The following XDH variants were observed in gnomAD, a reference collection of about 807,000 sequenced individuals.
XDH encodes xanthine dehydrogenase.
A neutral mutation model predicts 156.1 loss-of-function variants in XDH; 138 were observed. The ratio of observed to expected loss-of-function variants is 0.88; its 90% CI spans 0.77 to 1.02. The LOEUF is 1.02. Among genes scored for constraint, XDH ranks in the 50% least tolerant of loss-of-function variants. XDH has a pLI of 0.00. For synonymous variants in XDH, 669 were observed against 625.7 expected (o/e 1.07, Z -1.03); for missense variants, 1,849 against 1,684.9 (o/e 1.10, Z -1.71).
Position 31,337,759 on chromosome 2 carries a change from G to T in XDH, c.3833C>A (p.Ala1278Asp). 1 of 1,614,228 alleles carries T rather than the reference G, an allele frequency of 6.2e-7. No individual in the cohort carries two copies. The change falls in exon 35 of 36, where the codon GCC (alanine) becomes GAC (aspartate). Residue 1278 changes from alanine (A) to aspartate (D), a missense_variant. Ala to Asp is a moderately radical substitution (Grantham distance 126). Transcript: ENST00000379416. ...GTGCTGAGCTCGAGCTGCACGGATG[G>T]CATCTTTGATGGCAAAGAAGATAGA... ...AASIFFAIKD[A>D]IRAARAQHTG...
At chr2:31,394,276 G>T (rs1686846417) in intron 6 of XDH, among the ~76,000 whole-genome samples, 1 of 152,014 alleles carries the variant, frequency 6.6e-6, no homozygotes, top group Admixed American at 6.6e-5. Flanking sequence ...GCTTTTGAAG[G>T]ATACTTACGG....
intron 9 of XDH, 150 bp from the exon 10 acceptor site, chr2:31,383,997 A>T: frequency 1.3e-6 from 1 of 762,900 alleles, no homozygotes; most frequent in South Asian, 1.5e-5. Context: ...TGGGAATAGG[A>T]AACTCAGTAG....
At chr2:31,404,957 C>A (rs1447392643) in intron 2 of XDH, among the ~76,000 whole-genome samples, 2 of 152,132 alleles carry the variant, frequency 1.3e-5, no homozygotes, top group Non-Finnish European at 2.9e-5. Flanking sequence ...CACTAGACAC[C>A]CCCGCTAGGA....
At chr2:31,353,481 C>T (rs1685541588) in intron 24 of XDH, among the ~76,000 whole-genome samples, 1 of 152,086 alleles carries the variant, frequency 6.6e-6, no homozygotes, top group African/African-American at 2.4e-5. Flanking sequence ...TGTAAGAATA[C>T]TCTGAAAAGT....
At chr2:31,401,620 C>A (rs1047020340) in intron 3 of XDH, among the ~76,000 whole-genome samples, 2 of 152,254 alleles carry the variant, frequency 1.3e-5, no homozygotes, top group Non-Finnish European at 2.9e-5. Context: ...CACTTTCAGT[C>A]ACCTCTTACT....
chr2:31,408,735 C>A (rs1049968761), intron 1 of XDH, among the ~76,000 whole-genome samples: 2 of 152,050 alleles, frequency 1.3e-5, no homozygotes, highest in Non-Finnish European at 2.9e-5. Context: ...AAGTTTCCCC[C>A]AAAAATTAAG....
chr2:31,346,976 A>T, intron 29 of XDH, 133 bp from the exon 30 acceptor site: 1 of 1,145,306 alleles, frequency 8.7e-7, no homozygotes, highest in Non-Finnish European at 1.3e-6. Context: ...CAGCCTGGCC[A>T]CCCACTCCAG....
intron 24 of XDH, among the ~76,000 whole-genome samples, chr2:31,358,111 T>C (rs1389544819): frequency 6.6e-6 from 1 of 152,092 alleles, no homozygotes; most frequent in African/African-American, 2.4e-5. Flanking sequence ...TCTACAGAAC[T>C]CTTCACCCCA....
chr2:31,344,641 C>G (rs151098678), intron 31 of XDH, 43 bp downstream of exon 31: 1 of 1,611,496 alleles, frequency 6.2e-7, no homozygotes, highest in African/African-American at 1.3e-5. Flanking sequence ...GAGGTTAGGA[C>G]GACATCACAC....
intron 17 of XDH, 127 bp from the exon 18 acceptor site, chr2:31,370,605 C>A (rs1288136969): frequency 7.9e-6 from 10 of 1,265,270 alleles, no homozygotes; most frequent in African/African-American, 1.5e-5. Flanking sequence ...TTCTCTGCTT[C>A]TTTTCTATTA....
intron 15 of XDH, 102 bp from the exon 16 acceptor site, chr2:31,374,058 G>T: frequency 8.4e-7 from 1 of 1,189,344 alleles, no homozygotes; most frequent in Non-Finnish European, 1.2e-6. Flanking sequence ...TGATCCCCTT[G>T]TCTCTTCACT....
At position 31,379,993 on chromosome 2, in the gene XDH, T is replaced by G. The variant is rs759969094; in HGVS notation, c.1133-17A>C. 1 of 1,612,632 alleles carries G rather than the reference T, an allele frequency of 6.2e-7. No homozygotes were observed. Among genetic ancestry groups the G allele is most frequent in the South Asian group, 1.1e-5 (1 of 91,032 alleles). ...TCCTGGTGCCTGTACAGAAGCAAGA[T>G]GAAGAGGAGCCAAAGTGAGGGAAAG... On this transcript the variant is annotated splice_polypyrimidine_tract_variant and intron_variant, in intron 12 of 35. Transcript: ENST00000379416.
At chr2:31,349,992 C>T (rs13419527) in intron 25 of XDH, 40 bp downstream of exon 25, 2 of 1,612,824 alleles carry the variant, frequency 1.2e-6, no homozygotes, top group Non-Finnish European at 1.7e-6. Flanking sequence ...CCGAAGTAGT[C>T]TAAAGCACTC....
In XDH at chr2:31,411,519, A is replaced by G. The variant is rs571845016; in HGVS notation, c.42+3106T>C. Among the ~76,000 whole-genome samples, 9 of 152,298 alleles carry G rather than the reference A, an allele frequency of 5.9e-5. No individual in the cohort carries two copies. In the South Asian group the frequency reaches 1.2e-3, roughly 21 times the overall value. ...ATAAAGCAAATGTGGCAAAACATTA[A>G]CAGTTGGTAAAGTACATAAAGGGTA... On this transcript the variant is annotated intron_variant, in intron 1 of 35. Transcript: ENST00000379416.
rs1686974738 is a variant in XDH, at chr2:31,398,587, T to A, written c.419A>T (p.Glu140Val). ...AAGGCCCATACCTTGGAAGGCATTC[T>A]CAATCTCCTCCATGGTGGGCTCGGG... ...NQPEPTMEEI[E>V]NAFQGNLCRC... The change falls in exon 5 of 36, where the codon GAG (glutamate) becomes GTG (valine). Residue 140 changes from glutamate to valine, a missense_variant. Physicochemically the swap from Glu to Val is moderately radical, Grantham distance 121. Coordinates refer to ENST00000379416, the MANE Select transcript of XDH (RefSeq NM_000379.4). 6.2e-7 allele frequency: 1 copy of A among 1,614,002 alleles called. No homozygotes were observed. Among genetic ancestry groups the A allele is most frequent in the Non-Finnish European group, 8.5e-7 (1 of 1,179,978 alleles).
At chr2:31,372,489 G>T (rs1394004389) in intron 16 of XDH, 92 bp from the exon 17 acceptor site, 6 of 1,551,470 alleles carry the variant, frequency 3.9e-6, no homozygotes, top group Non-Finnish European at 5.3e-6. Context: ...ATGCTACATG[G>T]CAAAGGACAC....
At chr2:31,350,814 G>C (rs558907203) in intron 24 of XDH, among the ~76,000 whole-genome samples, 10 of 152,280 alleles carry the variant, frequency 6.6e-5, no homozygotes, top group African/African-American at 2.2e-4. Flanking sequence ...TTGTAAATTA[G>C]TTAATGAAAA....
intron 6 of XDH, among the ~76,000 whole-genome samples, chr2:31,395,706 T>C (rs1158320414): frequency 6.6e-6 from 1 of 152,210 alleles, no homozygotes; most frequent in Admixed American, 6.5e-5. Context: ...CTGCAGAGGT[T>C]TCTGCTCTGA....
At chr2:31,400,732 A>G (rs1026121945) in intron 4 of XDH, among the ~76,000 whole-genome samples, 5 of 152,212 alleles carry the variant, frequency 3.3e-5, no homozygotes, top group Admixed American at 3.3e-4. Context: ...CCTCCAGTCT[A>G]ATGAAAGAGG....
Sources: allele counts gnomAD v4.1 joint callset (sites outside exome capture counted in the v4.1 genomes callset), GRCh38; gene constraint gnomAD v4.1.1; transcripts MANE v1.5; gene names NCBI Gene and HGNC (gene_info 2026-07-23, HGNC 2026-07-21).